Variants in FAM185A observed in about 807,000 individuals in gnomAD.
FAM185A encodes the protein family with sequence similarity 185 member A.
A neutral mutation model predicts 45.7 loss-of-function variants in FAM185A; 21 were observed. The ratio of observed to expected loss-of-function variants is 0.46; its 90% confidence interval spans 0.33 to 0.66. FAM185A has a LOEUF of 0.66. FAM185A is among the 30% of genes least tolerant of loss of function. The pLI is 0.03. For synonymous variants in FAM185A, 117 were observed against 194.0 expected, an observed-to-expected ratio of 0.60 and a Z score of 3.30; for missense variants, 305 against 485.4, an observed-to-expected ratio of 0.63 and a Z score of 3.49.
At chr7:102,815,781 A>G in the FAM185A span, among the ~76,000 whole-genome samples, 1 of 152,122 alleles carries the variant, frequency 6.6e-6, no homozygotes, top group African/African-American at 2.4e-5. Flanking sequence ...ACTACTAATG[A>G]TAAGTCTGGG....
chr7:102,777,354 T>C lies in FAM185A; in HGVS notation c.931+6T>C. The stretch of plus-strand genomic sequence containing the variant: ...GGAATTGAAATCCCATAAAGGTTAG[T>C]GAACTGGAATGTTTTATTTTGACAT... On this transcript the variant is annotated splice_donor_region_variant and intron_variant, in intron 6 of 7. Coordinates refer to ENST00000413034, the MANE Select transcript of FAM185A (RefSeq NM_001145268.2). The C allele has an allele frequency of 6.7e-7, 1 of 1,494,742 alleles. No individual in the cohort carries two copies. The allele number at this position is 1,494,742 out of a possible 1,614,324, so 92.6% of individuals were successfully genotyped here.
intron 4 of FAM185A, among the ~76,000 whole-genome samples, chr7:102,766,648 C>T (rs993143450): frequency 1.3e-5 from 2 of 151,752 alleles, no homozygotes; most frequent in African/African-American, 4.9e-5. Context: ...TTAAATAGAT[C>T]TTTTCATGAC....
At chr7:102,760,671 A>G (rs1272063018) in intron 3 of FAM185A, among the ~76,000 whole-genome samples, 1 of 152,158 alleles carries the variant, frequency 6.6e-6, no homozygotes, top group East Asian at 1.9e-4. Flanking sequence ...TAAGACAAGG[A>G]TGCCTGCTGT....
At chr7:102,822,021 T>C in the FAM185A span, 9 of 1,613,234 alleles carry the variant, frequency 5.6e-6, no homozygotes, top group Non-Finnish European at 7.6e-6. Context: ...AAGTTTGTCA[T>C]AGTCAGGTAC....
At chr7:102,811,110 A>T (rs1385726001), downstream of FAM185A, among the ~76,000 whole-genome samples, 1 of 152,168 alleles carries the variant, frequency 6.6e-6, no homozygotes, top group Admixed American at 6.5e-5. Context: ...GGCAGTTTTG[A>T]TAATCTTTTT....
chr7:102,829,506 C>CT, the FAM185A span, among the ~76,000 whole-genome samples: 3 of 152,134 alleles, frequency 2.0e-5, no homozygotes, highest in African/African-American at 7.2e-5. Flanking sequence ...ACCCCCTTTT[C>CT]TTTCTAATCA....
At chr7:102,834,094 G>GGAAGGAAGGA in the FAM185A span, among the ~76,000 whole-genome samples, 521 of 86,600 alleles carry the variant, frequency 6.0e-3, 24 homozygotes, top group African/African-American at 0.013. Context: ...AGAAAAGAAA[G>GGAAGGAAGGA]AAAGAAAGAA....
chr7:102,836,555 A>G, the FAM185A span, among the ~76,000 whole-genome samples: 1 of 152,048 alleles, frequency 6.6e-6, no homozygotes, highest in Non-Finnish European at 1.5e-5. Context: ...CTTCCAAGTC[A>G]AAATCTTTTA....
chr7:102,840,407 A>C, the FAM185A span, among the ~76,000 whole-genome samples: 1 of 152,222 alleles, frequency 6.6e-6, no homozygotes, highest in Non-Finnish European at 1.5e-5. Context: ...CTAGTGGCCC[A>C]ATTACCTGGC....
chr7:102,818,607 G>A, the FAM185A span, among the ~76,000 whole-genome samples: 1 of 152,142 alleles, frequency 6.6e-6, no homozygotes, highest in Non-Finnish European at 1.5e-5. Flanking sequence ...GAATGCCTGA[G>A]CAGTAGGGAC....
chr7:102,831,451 C>T, the FAM185A span, among the ~76,000 whole-genome samples: 2 of 150,966 alleles, frequency 1.3e-5, no homozygotes, highest in African/African-American at 4.9e-5. Flanking sequence ...AGAGAGTTAT[C>T]TTGTCCAAAA....
chr7:102,824,869 T>C, the FAM185A span, among the ~76,000 whole-genome samples: 2 of 151,370 alleles, frequency 1.3e-5, no homozygotes, highest in African/African-American at 4.9e-5. Context: ...AGCTGTCTTC[T>C]TGCCGTAGCC....
chr7:102,769,173 G>A (rs973895336), intron 4 of FAM185A, among the ~76,000 whole-genome samples: 1 of 152,130 alleles, frequency 6.6e-6, no homozygotes, highest in African/African-American at 2.4e-5. Context: ...CTTACAACTA[G>A]ACAGTATTTG....
rs1381597237 is a variant in FAM185A at position 102,786,167 on chromosome 7, A to G, written c.932-1168A>G. Among the ~76,000 whole-genome samples, 9 of 152,284 alleles carry G rather than the reference A, an allele frequency of 5.9e-5. 1 individual carries two copies. The East Asian group carries it at 1.2e-3, about 20-fold the overall frequency. On this transcript the variant is annotated intron_variant, in intron 6 of 7. Transcript: ENST00000413034. ...CACCAGTTAGAATGGCGATCATTAA[A>G]AAGTCAGGAAACAACAGGTGCTGGA...
downstream of FAM185A, among the ~76,000 whole-genome samples, chr7:102,810,018 T>C (rs2129444263): frequency 6.6e-6 from 1 of 152,230 alleles, no homozygotes; most frequent in South Asian, 2.1e-4. Flanking sequence ...CCACTTTGCC[T>C]TCTGCCATGA....
the FAM185A span, among the ~76,000 whole-genome samples, chr7:102,819,067 C>T: frequency 6.6e-5 from 10 of 152,214 alleles, no homozygotes; most frequent in Middle Eastern, 3.4e-3. Flanking sequence ...GTTTTCTGTT[C>T]TTGGATTAGC....
intron 7 of FAM185A, among the ~76,000 whole-genome samples, chr7:102,793,910 G>A (rs1281453868): frequency 6.6e-6 from 1 of 151,600 alleles, no homozygotes; most frequent in East Asian, 2.0e-4. Flanking sequence ...GTGGTGGCGG[G>A]TGCCTGAAAT....
chr7:102,794,035 CAAAA>C (rs765672577), intron 7 of FAM185A, among the ~76,000 whole-genome samples: 1 of 60,600 alleles, frequency 1.7e-5, no homozygotes, highest in Non-Finnish European at 3.2e-5. Context: ...GACTCTGTCT[CAAAA>C]AAAAAAAAAA....
the FAM185A span, among the ~76,000 whole-genome samples, chr7:102,844,882 T>C: frequency 6.6e-6 from 1 of 152,168 alleles, no homozygotes. Flanking sequence ...CTAGGACAAC[T>C]CAAATAATTC....
Sources: gnomAD v4.1 joint callset for allele counts (sites outside exome capture counted in the v4.1 genomes callset) on GRCh38, gnomAD v4.1.1 for gene constraint, MANE v1.5 for transcripts, NCBI Gene and HGNC (gene_info 2026-07-23, HGNC 2026-07-21) for gene names.